KIAA0825: variants seen among roughly 807,000 people sequenced by gnomAD.
KIAA0825 encodes KIAA0825, also known as uncharacterized protein KIAA0825.
Under a neutral mutation model 147.6 loss-of-function variants are expected in KIAA0825, and 119 were observed. The ratio of observed to expected loss-of-function variants is 0.81; its 90% CI spans 0.69 to 0.94. KIAA0825 has a LOEUF of 0.94. Among genes scored for constraint, KIAA0825 ranks in the 40% least tolerant of loss-of-function variants. The probability of loss-of-function intolerance (pLI) is 0.00; values close to 1 mark genes in which losing one functional copy is unlikely to be tolerated. For missense variants in KIAA0825, 1,381 were observed against 1,472.7 expected, an observed-to-expected ratio of 0.94 and a Z score of 1.02; for synonymous variants, 470 against 518.1, an observed-to-expected ratio of 0.91 and a Z score of 1.26.
intron 12 of KIAA0825, among the ~76,000 whole-genome samples, chr5:94,461,212 A>G (rs1051956246): frequency 2.6e-5 from 4 of 151,914 alleles, no homozygotes; most frequent in African/African-American, 9.7e-5. Flanking sequence ...GGGGGCTAAA[A>G]TTTTTCAATT....
intron 3 of KIAA0825, among the ~76,000 whole-genome samples, chr5:94,527,421 G>A (rs1036474634): frequency 6.6e-6 from 1 of 151,934 alleles, no homozygotes; most frequent in African/African-American, 2.4e-5. Flanking sequence ...AAAAAAGTAT[G>A]TTCCATTGGT....
chr5:94,607,604 G>A (rs890094341), intron 1 of KIAA0825, among the ~76,000 whole-genome samples: 13 of 152,178 alleles, frequency 8.5e-5, no homozygotes, highest in African/African-American at 2.2e-4. Flanking sequence ...GCAAGTGTCC[G>A]TCTCCAAAAC....
intron 2 of KIAA0825, among the ~76,000 whole-genome samples, chr5:94,560,957 C>G (rs1561315878): frequency 6.6e-6 from 1 of 152,188 alleles, no homozygotes; most frequent in Non-Finnish European, 1.5e-5. Context: ...TGAAATGTCT[C>G]TTGTTATTCA....
intron 20 of KIAA0825, among the ~76,000 whole-genome samples, chr5:94,380,848 G>A (rs1270921316): frequency 1.3e-5 from 2 of 152,242 alleles, no homozygotes; most frequent in Non-Finnish European, 2.9e-5. Flanking sequence ...GCCAGATAGT[G>A]AGCGAAGAAC....
At chr5:94,563,930 C>T (rs1778068892) in intron 2 of KIAA0825, among the ~76,000 whole-genome samples, 1 of 152,188 alleles carries the variant, frequency 6.6e-6, no homozygotes, top group Admixed American at 6.5e-5. Context: ...AAGTGACCCA[C>T]CGCCTCAGCC....
chr5:94,323,454 T>C (rs750858122), intron 20 of KIAA0825, among the ~76,000 whole-genome samples: 4 of 151,706 alleles, frequency 2.6e-5, no homozygotes, highest in Non-Finnish European at 5.9e-5. Flanking sequence ...GCATTCCTTA[T>C]CTACTTACTG....
Position 94,484,875 on chromosome 5 carries a change from G to A in KIAA0825, c.1026C>T (p.Val342=), listed in dbSNP as rs77433638. The change falls in exon 6 of 21, where the codon GTC becomes GTT. Residue 342 remains valine (V), a synonymous_variant. Coordinates refer to ENST00000682413, the MANE Select transcript of KIAA0825 (RefSeq NM_001145678.3). ...GRNFSLPLDK[V]EFLSQLIKSF... is the part of the protein sequence containing the mutation. ...ATTTTATGAGCTGCGATAAGAATTC[G>A]ACTTTGTCTAAAGGGAGAGAGAAGT... 539 of 1,538,452 alleles carry A rather than the reference G, an allele frequency of 3.5e-4. 3 individuals carry two copies. The African/African-American group carries it at 6.6e-3, about 19-fold the overall frequency.
intron 2 of KIAA0825, among the ~76,000 whole-genome samples, chr5:94,578,517 T>C (rs1781472456): frequency 6.6e-6 from 1 of 151,904 alleles, no homozygotes; most frequent in African/African-American, 2.4e-5. Flanking sequence ...TCTGTTTATG[T>C]TTTTTTTCTG....
chr5:94,364,895 C>T (rs1030064487), intron 20 of KIAA0825, among the ~76,000 whole-genome samples: 4 of 152,198 alleles, frequency 2.6e-5, no homozygotes, highest in Non-Finnish European at 5.9e-5. Context: ...GATGCTTGCA[C>T]GGGTGGGTGC....
intron 20 of KIAA0825, among the ~76,000 whole-genome samples, chr5:94,342,675 G>T (rs1782543541): frequency 6.6e-6 from 1 of 152,104 alleles, no homozygotes; most frequent in South Asian, 2.1e-4. Context: ...AATTAAGGAA[G>T]AATTTCAAGT....
chr5:94,472,677 G>C (rs903742666), intron 8 of KIAA0825, among the ~76,000 whole-genome samples: 48 of 152,160 alleles, frequency 3.2e-4, no homozygotes, highest in African/African-American at 1.1e-3. Context: ...CCAGGAGGCG[G>C]AGCTTGCAGT....
intron 18 of KIAA0825, among the ~76,000 whole-genome samples, chr5:94,389,309 C>T (rs1339130463): frequency 4.6e-5 from 7 of 152,160 alleles, no homozygotes; most frequent in African/African-American, 1.7e-4. Context: ...TCCTGCCCAG[C>T]CCACTACCAT....
At chr5:94,436,105 G>T (rs1479639006) in intron 14 of KIAA0825, among the ~76,000 whole-genome samples, 1 of 151,934 alleles carries the variant, frequency 6.6e-6, no homozygotes, top group African/African-American at 2.4e-5. Flanking sequence ...AGCTTCTTTT[G>T]CTGTGCAGAA....
At chr5:94,579,850 T>C (rs1427008960) in intron 2 of KIAA0825, among the ~76,000 whole-genome samples, 2 of 152,206 alleles carry the variant, frequency 1.3e-5, no homozygotes, top group Non-Finnish European at 2.9e-5. Context: ...AAATATTTGT[T>C]CAAGGAAGAA....
At chr5:94,387,124 T>A (rs1749257744) in intron 18 of KIAA0825, among the ~76,000 whole-genome samples, 1 of 152,230 alleles carries the variant, frequency 6.6e-6, no homozygotes, top group Non-Finnish European at 1.5e-5. Flanking sequence ...CCCCATCAAC[T>A]AATAAATGCT....
chr5:94,528,627 A>G (rs1769851313), intron 3 of KIAA0825, among the ~76,000 whole-genome samples: 1 of 152,128 alleles, frequency 6.6e-6, no homozygotes, highest in African/African-American at 2.4e-5. Context: ...TCCTAAATCT[A>G]CATCTAATTT....
chr5:94,439,528 C>T (rs577535144), intron 14 of KIAA0825, among the ~76,000 whole-genome samples: 4 of 149,488 alleles, frequency 2.7e-5, no homozygotes, highest in Non-Finnish European at 6.0e-5. Flanking sequence ...TAGCTGTAGG[C>T]CACATCTTGC....
At position 94,150,960 on chromosome 5, in the gene KIAA0825, A is replaced by T; in HGVS notation, c.*3047T>A. On this transcript the variant is annotated 3_prime_UTR_variant, in exon 21 of 21. Coordinates refer to ENST00000682413, the MANE Select transcript of KIAA0825 (RefSeq NM_001145678.3). ...AGATATCTCTATATAATTACATAAA[A>T]ATACAATTAAGCAGAACACAGAAGG... 6.6e-6 allele frequency among the ~76,000 whole-genome samples: 1 copy of T among 152,292 alleles called. No individual in the cohort carries two copies. Among genetic ancestry groups the T allele is most frequent in the South Asian group, 2.1e-4 (1 of 4,826 alleles).
At chr5:94,294,633 G>A (rs757229415) in intron 20 of KIAA0825, among the ~76,000 whole-genome samples, 4 of 152,222 alleles carry the variant, frequency 2.6e-5, no homozygotes, top group Non-Finnish European at 5.9e-5. Context: ...GGCTGAGGCA[G>A]GGGAATCACT....
Sources: allele counts gnomAD v4.1 joint callset (sites outside exome capture counted in the v4.1 genomes callset), GRCh38; gene constraint gnomAD v4.1.1; transcripts MANE v1.5; gene names NCBI Gene and HGNC (gene_info 2026-07-23, HGNC 2026-07-21).